Variants in POLR3B observed in about 807,000 individuals in gnomAD.
POLR3B encodes DNA-directed RNA polymerase III subunit RPC2.
In POLR3B, 96 loss-of-function variants were observed where a neutral mutation model predicts 147.4. The observed-to-expected ratio is 0.65, with a 90% CI of 0.55 to 0.77. POLR3B has a LOEUF of 0.77. Among genes scored for constraint, POLR3B ranks in the 30% least tolerant of loss-of-function variants. POLR3B has a pLI of 0.00. For synonymous variants in POLR3B, 461 were observed against 485.9 expected (o/e 0.95, Z 0.67); for missense variants, 1,036 against 1,413.5 (o/e 0.73, Z 4.28).
At chr12:106,497,242 G>A (rs113511147) in intron 25 of POLR3B, among the ~76,000 whole-genome samples, 77 of 150,192 alleles carry the variant, frequency 5.1e-4, no homozygotes, top group African/African-American at 1.7e-3. Flanking sequence ...CCAAAAGATC[G>A]GACACCCCTG....
chr12:106,472,714 G>GT (rs1285791328), intron 23 of POLR3B, among the ~76,000 whole-genome samples: 1 of 102,952 alleles, frequency 9.7e-6, no homozygotes, highest in Non-Finnish European at 1.9e-5. Flanking sequence ...GGGGTTGTTT[G>GT]TTTTTTTCTT....
chr12:106,442,676 AG>A (rs1168232030), intron 18 of POLR3B, among the ~76,000 whole-genome samples: 1 of 150,606 alleles, frequency 6.6e-6, no homozygotes, highest in Non-Finnish European at 1.5e-5. Context: ...ATCTTTTACC[AG>A]GTACATTCCA....
chr12:106,359,037 G>A (rs546215205), intron 1 of POLR3B, among the ~76,000 whole-genome samples: 1 of 152,266 alleles, frequency 6.6e-6, no homozygotes, highest in Admixed American at 6.5e-5. Flanking sequence ...GGGCGACATG[G>A]CAAAACCCTG....
intron 19 of POLR3B, among the ~76,000 whole-genome samples, chr12:106,450,437 A>G (rs2037780198): frequency 6.6e-6 from 1 of 152,202 alleles, no homozygotes; most frequent in Non-Finnish European, 1.5e-5. Context: ...AGAATGGGAG[A>G]AAGTATTTGC....
chr12:106,401,648 C>T (rs2037069017), intron 10 of POLR3B, among the ~76,000 whole-genome samples: 1 of 152,212 alleles, frequency 6.6e-6, no homozygotes, highest in Admixed American at 6.5e-5. Flanking sequence ...GGATGCAAGG[C>T]TGGTTCAACA....
intron 23 of POLR3B, among the ~76,000 whole-genome samples, chr12:106,488,230 A>C (rs1224536119): frequency 2.6e-5 from 4 of 152,196 alleles, no homozygotes; most frequent in Non-Finnish European, 5.9e-5. Flanking sequence ...TCCTTTGGGC[A>C]TTGTGAGGTC....
At chr12:106,484,976 G>C (rs2038318480) in intron 23 of POLR3B, among the ~76,000 whole-genome samples, 1 of 152,158 alleles carries the variant, frequency 6.6e-6, no homozygotes. Context: ...GGGCCTTTTG[G>C]CTAAAAGAAA....
intron 23 of POLR3B, among the ~76,000 whole-genome samples, chr12:106,492,172 T>TC (rs1271995168): frequency 6.6e-6 from 1 of 152,214 alleles, no homozygotes; most frequent in Admixed American, 6.5e-5. Flanking sequence ...CCTTTTTTTT[T>TC]CCTGCTTAAG....
chr12:106,427,264 A>G lies in POLR3B; in HGVS notation c.1169A>G (p.Gln390Arg), dbSNP rs2037452570. 1.2e-6 allele frequency: 2 copies of G among 1,611,930 alleles called. No individual in the cohort carries two copies. Among genetic ancestry groups the G allele is most frequent in the Non-Finnish European group, 1.7e-6 (2 of 1,178,802 alleles). ...FNSEMKKIAD[Q>R]VIPKQRAAQF... The stretch of plus-strand genomic sequence containing the variant: ...TCTGAAATGAAAAAGATTGCCGACC[A>G]GGTGATTCCTAAGCAAAGAGCAGCC... The change falls in exon 13 of 28, where the codon CAG becomes CGG. Residue 390 changes from glutamine to arginine, a missense_variant. Gln to Arg is a conservative substitution (Grantham distance 43). Transcript: ENST00000228347.
Position 106,501,924 on chromosome 12 carries a change from G to T in POLR3B, c.3098+488G>T, listed in dbSNP as rs539947775. Among the ~76,000 whole-genome samples, 364 of 152,290 alleles carry T rather than the reference G, an allele frequency of 2.4e-3. 2 individuals are homozygous for T. Among genetic ancestry groups the T allele is most frequent in the African/African-American group, 8.1e-3 (338 of 41,548 alleles). On this transcript the variant is annotated intron_variant, in intron 26 of 27. Coordinates refer to ENST00000228347, the MANE Select transcript of POLR3B (RefSeq NM_018082.6). ...TTGAGTAAGCTAGAGGAGGTTAGGG[G>T]CCACATGTGCCCCGTTCACAGGTGT...
At chr12:106,397,541 T>G in intron 10 of POLR3B, among the ~76,000 whole-genome samples, 1 of 152,194 alleles carries the variant, frequency 6.6e-6, no homozygotes, top group East Asian at 1.9e-4. Context: ...CACCATAGAT[T>G]AGTTTTACCT....
chr12:106,444,395 T>C, intron 18 of POLR3B, 68 bp from the exon 19 acceptor site: 1 of 1,521,514 alleles, frequency 6.6e-7, no homozygotes, highest in Non-Finnish European at 9.1e-7. Context: ...AATATTTTTG[T>C]ACCCTTTAAA....
chr12:106,496,537 GT>G, intron 24 of POLR3B: 2 of 609,106 alleles, frequency 3.3e-6, no homozygotes, highest in Admixed American at 5.7e-5. Context: ...CCATACTTCA[GT>G]TTCTTCATCT....
chr12:106,384,098 A>C (rs1267804228), intron 9 of POLR3B, among the ~76,000 whole-genome samples: 2 of 152,238 alleles, frequency 1.3e-5, no homozygotes, highest in Non-Finnish European at 2.9e-5. Flanking sequence ...AAGTAAGCAC[A>C]TGCTCTTGGA....
intron 22 of POLR3B, among the ~76,000 whole-genome samples, chr12:106,459,787 C>T (rs895037876): frequency 1.3e-5 from 2 of 152,278 alleles, no homozygotes; most frequent in Middle Eastern, 3.4e-3. Flanking sequence ...TAGAACATAG[C>T]CCAGCTCTAG....
chr12:106,493,356 C>T (rs991481288), intron 23 of POLR3B, among the ~76,000 whole-genome samples: 7 of 152,140 alleles, frequency 4.6e-5, no homozygotes, highest in Admixed American at 1.3e-4. Context: ...GAAACCTTCC[C>T]GCTGTGATTA....
chr12:106,496,906 C>G lies in POLR3B; in HGVS notation c.2972C>G (p.Ser991Cys). The G allele has an allele frequency of 6.2e-7, 1 of 1,613,812 alleles. No individual in the cohort carries two copies. The highest frequency in any genetic ancestry group is 8.5e-7 in the Non-Finnish European group (1 of 1,179,898). The change falls in exon 25 of 28, where the codon TCC (serine) becomes TGC (cysteine). Residue 991 changes from serine to cysteine, a missense_variant. Coordinates refer to ENST00000228347, the MANE Select transcript of POLR3B (RefSeq NM_018082.6). ...YNYLGKDYVT[S>C]GITGEPLEAY... ...TACTTGGGGAAAGACTATGTTACAT[C>G]CGGCATCACAGGGTAAGCATGCGAT...
At chr12:106,361,894 G>T (rs1453194962) in intron 1 of POLR3B, among the ~76,000 whole-genome samples, 3 of 152,216 alleles carry the variant, frequency 2.0e-5, no homozygotes, top group African/African-American at 4.8e-5. Context: ...TGTGGAAAGG[G>T]AATGTGAGGG....
chr12:106,370,930 C>A (rs889550521), intron 6 of POLR3B, among the ~76,000 whole-genome samples: 5 of 152,142 alleles, frequency 3.3e-5, no homozygotes, highest in African/African-American at 1.2e-4. Flanking sequence ...CCGCGCCTGG[C>A]CTATCAGTGT....
Sources: gnomAD v4.1 joint callset for allele counts (sites outside exome capture counted in the v4.1 genomes callset) on GRCh38, gnomAD v4.1.1 for gene constraint, MANE v1.5 for transcripts, NCBI Gene and HGNC (gene_info 2026-07-23, HGNC 2026-07-21) for gene names.